Variants in MED13L observed in about 807,000 individuals in gnomAD.
The protein encoded by MED13L is mediator complex subunit 13L, also known as mediator of RNA polymerase II transcription subunit 13-like.
Under a neutral mutation model 220.9 loss-of-function variants are expected in MED13L, and 7 were observed. That is an observed-to-expected ratio of 0.03 (90% CI 0.02 to 0.06). MED13L has a LOEUF of 0.06. Among genes scored for constraint, MED13L ranks in the 10% least tolerant of loss-of-function variants. The pLI, the probability that MED13L is intolerant of heterozygous loss-of-function variation, is 1.00. For synonymous variants in MED13L, 1,011 were observed against 1,015.2 expected (o/e 1.00, Z 0.08); for missense variants, 1,965 against 2,760.5 (o/e 0.71, Z 6.46).
intron 4 of MED13L, among the ~76,000 whole-genome samples, chr12:116,046,972 C>A (rs539066105): frequency 1.5e-4 from 23 of 151,570 alleles, no homozygotes; most frequent in African/African-American, 5.6e-4. Flanking sequence ...GACTCCCTCT[C>A]AAAAAAAGAA....
rs921793737 is a variant in MED13L, at chr12:116,019,204, C to T, written c.1009+20G>A. Reference sequence around the variant, plus strand: ...TGTCTGAGATCTCTTCTCCCCAGGACACTCCTGGATCCTACTCACCTAGGA... The same window carrying T: ...TGTCTGAGATCTCTTCTCCCCAGGATACTCCTGGATCCTACTCACCTAGGA... On this transcript the variant is annotated intron_variant, in intron 7 of 30. Coordinates refer to ENST00000281928, the MANE Select transcript of MED13L (RefSeq NM_015335.5). The T allele has an allele frequency of 9.3e-6, 15 of 1,607,662 alleles. No individual in the cohort carries two copies. Among genetic ancestry groups the T allele is most frequent in the African/African-American group, 1.3e-5 (1 of 74,744 alleles).
chr12:116,029,921 A>C (rs1423854565), intron 4 of MED13L, among the ~76,000 whole-genome samples: 3 of 152,152 alleles, frequency 2.0e-5, no homozygotes, highest in Admixed American at 2.0e-4. Context: ...ATTTCAAAGA[A>C]ATGATGATAT....
chr12:115,998,224 T>G lies in MED13L; in HGVS notation c.2570-994A>C, dbSNP rs187307984. Among the ~76,000 whole-genome samples the G allele has an allele frequency of 2.8e-3, 421 of 152,344 alleles. 2 individuals are homozygous for G. The highest frequency in any genetic ancestry group is 9.6e-3 in the African/African-American group (401 of 41,590). On this transcript the variant is annotated intron_variant, in intron 14 of 30. Transcript: ENST00000281928. ...CTTAAAAAGTAGACCTATTGAAAAG[T>G]TGTAGTTGTAAAATTTGGCCACTAG...
chr12:116,208,884 AC>A (rs1381371275), intron 2 of MED13L, among the ~76,000 whole-genome samples: 1 of 152,084 alleles, frequency 6.6e-6, no homozygotes, highest in African/African-American at 2.4e-5. Context: ...TGTGAGGATC[AC>A]TTGAGCCCCA....
chr12:116,065,226 G>A (rs1869830682), intron 4 of MED13L, among the ~76,000 whole-genome samples: 3 of 152,088 alleles, frequency 2.0e-5, no homozygotes, highest in Admixed American at 2.0e-4. Flanking sequence ...CATATATGGA[G>A]TCCATAGTAG....
chr12:115,983,530 T>C lies in MED13L; in HGVS notation c.4542A>G (p.Leu1514=). 1 of 1,614,054 alleles carries C rather than the reference T, an allele frequency of 6.2e-7. No homozygotes were observed. Among genetic ancestry groups the C allele is most frequent in the Non-Finnish European group, 8.5e-7 (1 of 1,179,990 alleles). The part of the protein sequence containing the change: ...QVCRHHLAPY[L]ATLQLDSSLL... ...GGCTGCTATCAAGCTGCAGAGTGGC[T>C]AAATAAGGTGCTGAAAGAATACATG... is the stretch of plus-strand genomic sequence containing the variant. Residue 1514 remains leucine, a synonymous_variant, in exon 21 of 31, where the codon TTA becomes TTG. Coordinates refer to ENST00000281928, the MANE Select transcript of MED13L (RefSeq NM_015335.5).
intron 2 of MED13L, among the ~76,000 whole-genome samples, chr12:116,115,988 A>T (rs946789737): frequency 6.6e-6 from 1 of 152,232 alleles, no homozygotes; most frequent in Non-Finnish European, 1.5e-5. Context: ...TACATTTACC[A>T]TACAACCCAA....
intron 4 of MED13L, among the ~76,000 whole-genome samples, chr12:116,023,786 A>G (rs1880207709): frequency 6.6e-6 from 1 of 152,236 alleles, no homozygotes; most frequent in Non-Finnish European, 1.5e-5. Flanking sequence ...CTACAATTTT[A>G]AAAGAATTTT....
intron 2 of MED13L, among the ~76,000 whole-genome samples, chr12:116,153,134 A>G (rs1296038850): frequency 6.6e-6 from 1 of 152,188 alleles, no homozygotes; most frequent in Admixed American, 6.5e-5. Flanking sequence ...AATTAGGGCA[A>G]TGACATCACA....
At chr12:116,126,674 CA>C (rs1171577680) in intron 2 of MED13L, among the ~76,000 whole-genome samples, 1 of 152,074 alleles carries the variant, frequency 6.6e-6, no homozygotes, top group Non-Finnish European at 1.5e-5. Flanking sequence ...ACCAAAAACC[CA>C]AAAAGCCTGA....
chr12:115,976,407 TAC>T (rs1378216048), intron 23 of MED13L, among the ~76,000 whole-genome samples: 1 of 152,162 alleles, frequency 6.6e-6, no homozygotes, highest in African/African-American at 2.4e-5. Flanking sequence ...TGTGAAAGAA[TAC>T]AAAGTAGATG....
chr12:116,087,359 G>GA (rs879915239), intron 4 of MED13L, among the ~76,000 whole-genome samples: 2 of 151,472 alleles, frequency 1.3e-5, no homozygotes, highest in Non-Finnish European at 1.5e-5. Context: ...AACTAATGAG[G>GA]AAAAAAATGT....
In MED13L at chr12:115,975,713, G is replaced by A; in HGVS notation, c.5390C>T (p.Ser1797Phe). 1.9e-6 allele frequency: 3 copies of A among 1,613,834 alleles called. No homozygotes were observed. Among genetic ancestry groups the A allele is most frequent in the Non-Finnish European group, 1.7e-6 (2 of 1,179,976 alleles). Residue 1797 changes from serine (S) to phenylalanine (F), a missense_variant, in exon 24 of 31, where the codon TCC becomes TTC. Physicochemically the swap from Ser to Phe is radical, Grantham distance 155. This residue lies in a region of MED13L where 510 missense variants were observed against 620.4 expected (regional missense o/e 0.82). Coordinates refer to ENST00000281928, the MANE Select transcript of MED13L (RefSeq NM_015335.5). ...PERPSPIQLY[S>F]PPFILAPIKD... ...GATTGGGGCCAATATAAAGGGAGGG[G>A]AGTAAAGCTGGATTGGGCTGGGCCG...
intron 2 of MED13L, among the ~76,000 whole-genome samples, chr12:116,154,811 T>C (rs1878300237): frequency 6.6e-6 from 1 of 152,150 alleles, no homozygotes; most frequent in South Asian, 2.1e-4. Context: ...TTTTATTTAA[T>C]TGTGTGTTGA....
chr12:116,027,873 C>T (rs958191125), intron 4 of MED13L, among the ~76,000 whole-genome samples: 1 of 152,186 alleles, frequency 6.6e-6, no homozygotes, highest in East Asian at 1.9e-4. Context: ...TTGTCACTCA[C>T]TCATTCTACT....
At chr12:115,979,386 T>C (rs1877172097) in intron 23 of MED13L, among the ~76,000 whole-genome samples, 1 of 152,250 alleles carries the variant, frequency 6.6e-6, no homozygotes, top group Admixed American at 6.5e-5. Flanking sequence ...GAGACATTTA[T>C]TTTTGAAATT....
intron 2 of MED13L, among the ~76,000 whole-genome samples, chr12:116,156,731 T>C (rs948802198): frequency 3.3e-5 from 5 of 152,210 alleles, no homozygotes; most frequent in Non-Finnish European, 4.4e-5. Context: ...TTAGAGGATA[T>C]ATAACTAACA....
chr12:116,174,252 A>G (rs1323510526), intron 2 of MED13L, among the ~76,000 whole-genome samples: 1 of 152,214 alleles, frequency 6.6e-6, no homozygotes, highest in Non-Finnish European at 1.5e-5. Context: ...AGAAATTAGA[A>G]GCCGTCACAT....
At position 116,032,356 on chromosome 12, in the gene MED13L, T is replaced by C. The variant is rs113359416; in HGVS notation, c.480-9755A>G. ...AACCTGCTAGTATCACTATTTATAA[T>C]TAAACCATGGTAATTATAACAGGAT... On this transcript the variant is annotated intron_variant, in intron 4 of 30. Transcript: ENST00000281928. 5.7e-3 allele frequency among the ~76,000 whole-genome samples: 860 copies of C among 152,204 alleles called. 7 individuals are homozygous for C. The highest frequency in any genetic ancestry group is 0.019 in the African/African-American group (806 of 41,524).
Sources: allele counts gnomAD v4.1 joint callset (sites outside exome capture counted in the v4.1 genomes callset), GRCh38; gene constraint gnomAD v4.1.1; regional missense constraint gnomAD v4.1.1; transcripts MANE v1.5; gene names NCBI Gene and HGNC (gene_info 2026-07-23, HGNC 2026-07-21).